The following SHROOM3 variants were observed in gnomAD, a reference collection of about 807,000 sequenced individuals.
SHROOM3 encodes shroom family member 3, also known as protein Shroom3.
Under a neutral mutation model 138.6 loss-of-function variants are expected in SHROOM3, and 47 were observed. The ratio of observed to expected loss-of-function variants is 0.34; its 90% confidence interval spans 0.27 to 0.43. The LOEUF (loss-of-function observed/expected upper bound fraction) is 0.43, where lower values mean the gene tolerates loss of function less well. Ranked by LOEUF, SHROOM3 falls within the 20% of genes least tolerant of loss-of-function variation. The probability of loss-of-function intolerance (pLI) is 1.00; values close to 1 mark genes in which losing one functional copy is unlikely to be tolerated. For missense variants in SHROOM3, 2,491 were observed against 2,596.5 expected (o/e 0.96, Z 0.88); for synonymous variants, 1,062 against 1,063.3 (o/e 1.00, Z 0.02).
At position 76,586,786 on chromosome 4, in the gene SHROOM3, TA is replaced by T. The variant is rs1307858591; in HGVS notation, c.323+31024del. On this transcript the variant is annotated intron_variant, in intron 2 of 10. Coordinates refer to ENST00000296043, the MANE Select transcript of SHROOM3 (RefSeq NM_020859.4). Reference sequence around the variant, plus strand: ...GTAACTTTTAGTTAAGGCCAACAAATATATATGCTAACTTGTATAATAAGAC... The same window carrying T: ...GTAACTTTTAGTTAAGGCCAACAAATTATATGCTAACTTGTATAATAAGAC... Among the ~76,000 whole-genome samples the T allele has an allele frequency of 3.9e-5, 6 of 152,302 alleles. No individual in the cohort carries two copies. The South Asian group carries it at 8.3e-4, about 21-fold the overall frequency.
At chr4:76,625,657 G>A (rs1018487962) in intron 2 of SHROOM3, among the ~76,000 whole-genome samples, 2 of 151,894 alleles carry the variant, frequency 1.3e-5, no homozygotes, top group Admixed American at 6.6e-5. Flanking sequence ...CACTCCAATC[G>A]CCGAGAACCA....
intron 3 of SHROOM3, among the ~76,000 whole-genome samples, chr4:76,724,636 C>T (rs1307526226): frequency 6.6e-6 from 1 of 152,158 alleles, no homozygotes. Context: ...CCTTCCAAAA[C>T]TACTCTTTAC....
At position 76,658,084 on chromosome 4, in the gene SHROOM3, C is replaced by T. The variant is rs184430896; in HGVS notation, c.324-52072C>T. The stretch of plus-strand genomic sequence containing the variant: ...TACCTGCTTTGTAGTTACCAAAGTG[C>T]TCTTCCATGCATTTTATAATAACTT... On this transcript the variant is annotated intron_variant, in intron 2 of 10. Transcript: ENST00000296043. Among the ~76,000 whole-genome samples, 190 of 152,364 alleles carry T rather than the reference C, an allele frequency of 1.2e-3. 1 individual carries two copies. The highest frequency in any genetic ancestry group is 2.0e-3 in the Non-Finnish European group (138 of 68,038).
intron 2 of SHROOM3, among the ~76,000 whole-genome samples, chr4:76,621,718 A>C (rs1268971975): frequency 6.6e-6 from 1 of 152,168 alleles, no homozygotes; most frequent in East Asian, 1.9e-4. Flanking sequence ...ATATGGAGTA[A>C]GTGTTTATGC....
chr4:76,605,440 G>T (rs951028412), intron 2 of SHROOM3, among the ~76,000 whole-genome samples: 3 of 152,104 alleles, frequency 2.0e-5, no homozygotes, highest in African/African-American at 7.2e-5. Context: ...TTTGAACTAG[G>T]CATGCCTTTT....
At chr4:76,654,379 GTTTTTGTTT>G (rs1560581281) in intron 2 of SHROOM3, among the ~76,000 whole-genome samples, 3 of 152,226 alleles carry the variant, frequency 2.0e-5, no homozygotes, top group Middle Eastern at 3.4e-3. Flanking sequence ...GAAGTGACAT[GTTTTTGTTT>G]AAACCAGTTG....
At position 76,770,733 on chromosome 4, in the gene SHROOM3, G is replaced by A. The variant is rs867952054; in HGVS notation, c.5457G>A (p.Glu1819=). The change falls in exon 10 of 11, where the codon GAG becomes GAA. Residue 1819 remains glutamate (E), a synonymous_variant. Coordinates refer to ENST00000296043, the MANE Select transcript of SHROOM3 (RefSeq NM_020859.4). ...ACAACGCCCTGGGAGAAGAGGTGGAGGCTCTGATCAGCGAGCTCTGCAAGC... is the reference window on the plus strand; with the variant it reads ...ACAACGCCCTGGGAGAAGAGGTGGAAGCTCTGATCAGCGAGCTCTGCAAGC... ...KLNNALGEEV[E]ALISELCKPN... 1 of 1,614,190 alleles carries A rather than the reference G, an allele frequency of 6.2e-7. No individual in the cohort carries two copies. Among genetic ancestry groups the A allele is most frequent in the South Asian group, 1.1e-5 (1 of 91,074 alleles).
intron 3 of SHROOM3, among the ~76,000 whole-genome samples, chr4:76,712,767 G>T (rs1720268737): frequency 6.6e-6 from 1 of 152,178 alleles, no homozygotes; most frequent in African/African-American, 2.4e-5. Context: ...TAATGACAGG[G>T]ATACATTCTG....
chr4:76,555,619 G>C lies in SHROOM3; in HGVS notation c.179G>C (p.Gly60Ala), dbSNP rs144435434. 73 of 1,613,624 alleles carry C rather than the reference G, an allele frequency of 4.5e-5. No individual in the cohort carries two copies. Among genetic ancestry groups the C allele is most frequent in the Admixed American group, 1.7e-5 (1 of 60,004 alleles). The change falls in exon 2 of 11, where the codon GGG becomes GCG. Residue 60 changes from glycine to alanine, a missense_variant. Gly to Ala is a moderately conservative substitution (Grantham distance 60, BLOSUM62 0). This residue lies in a region of SHROOM3 where 284 missense variants were observed against 322.8 expected (regional missense o/e 0.88). Transcript: ENST00000296043. ...TCTCCCTCCAAGCAGGTCGAAGAAG[G>C]GGGCAAAGCAGACACCCTGAGCTCC... Reference protein sequence around the residue: ...EPLIISKVEEGGKADTLSSKL... With the variant: ...EPLIISKVEEAGKADTLSSKL...
intron 10 of SHROOM3, among the ~76,000 whole-genome samples, chr4:76,778,244 C>T (rs1323063586): frequency 1.4e-5 from 2 of 143,918 alleles, no homozygotes; most frequent in Non-Finnish European, 3.0e-5. Flanking sequence ...TTTTTTGAGA[C>T]AAGAGTCTCA....
chr4:76,693,684 C>T, intron 2 of SHROOM3, among the ~76,000 whole-genome samples: 2 of 151,942 alleles, frequency 1.3e-5, no homozygotes, highest in Middle Eastern at 6.8e-3. Flanking sequence ...TGCACCTGGC[C>T]CTTGATGAGT....
chr4:76,741,547 C>T lies in SHROOM3; in HGVS notation c.3374C>T (p.Pro1125Leu). Residue 1125 changes from proline (P) to leucine (L), a missense_variant, in exon 5 of 11, where the codon CCC becomes CTC. Around this residue, in one of 4 missense-constraint regions of SHROOM3, gnomAD observed 1,733 missense variants for 1,661.6 expected, o/e 1.04. Transcript: ENST00000296043. The surrounding 1 kb of genome is among the most constrained non-coding windows in gnomAD (Gnocchi z 6.2). ...CAGAGTGCCTACCTCCAGCCCGGCC[C>T]CGCGGCGCTCGAAGGCTCCGGCCTC... ...RAQSAYLQPG[P>L]AALEGSGLAS... 1 of 1,547,950 alleles carries T rather than the reference C, an allele frequency of 6.5e-7. No homozygotes were observed. The highest frequency in any genetic ancestry group is 8.7e-7 in the Non-Finnish European group (1 of 1,153,270).
chr4:76,499,933 G>A (rs976352950), intron 1 of SHROOM3, among the ~76,000 whole-genome samples: 2 of 152,158 alleles, frequency 1.3e-5, no homozygotes, highest in African/African-American at 4.8e-5. Flanking sequence ...TACCACTTAC[G>A]GAATTCACTC....
At chr4:76,456,701 A>G (rs1731034092) in intron 1 of SHROOM3, among the ~76,000 whole-genome samples, 1 of 152,260 alleles carries the variant, frequency 6.6e-6, no homozygotes, top group Non-Finnish European at 1.5e-5. Flanking sequence ...TACATGTCAT[A>G]TGGTTTGTTT....
chr4:76,642,573 GT>G (rs1735702060), intron 2 of SHROOM3, among the ~76,000 whole-genome samples: 1 of 152,210 alleles, frequency 6.6e-6, no homozygotes, highest in African/African-American at 2.4e-5. Context: ...ATGGACCATA[GT>G]GGCAGGATGA....
chr4:76,495,908 G>A (rs918903063), intron 1 of SHROOM3, among the ~76,000 whole-genome samples: 1 of 152,202 alleles, frequency 6.6e-6, no homozygotes, highest in East Asian at 1.9e-4. Context: ...GTTCTGGCAG[G>A]CGGATGCCAT....
intron 2 of SHROOM3, among the ~76,000 whole-genome samples, chr4:76,634,331 C>T (rs571114355): frequency 3.1e-4 from 47 of 152,226 alleles, no homozygotes; most frequent in African/African-American, 1.0e-3. Context: ...TCCTAGCAGA[C>T]GTTGGTGGCC....
chr4:76,539,101 C>T (rs571840100), intron 1 of SHROOM3, among the ~76,000 whole-genome samples: 5 of 152,148 alleles, frequency 3.3e-5, no homozygotes, highest in South Asian at 2.1e-4. Context: ...TTCATAACTT[C>T]GGGAAACTTA....
chr4:76,678,682 C>T (rs1719106369), intron 2 of SHROOM3, among the ~76,000 whole-genome samples: 2 of 152,100 alleles, frequency 1.3e-5, no homozygotes, highest in Non-Finnish European at 2.9e-5. Context: ...TTTTTTGAGA[C>T]GAAGTCTTGC....
Sources: gnomAD v4.1 joint callset for allele counts (sites outside exome capture counted in the v4.1 genomes callset) on GRCh38, gnomAD v4.1.1 for gene constraint, gnomAD v4.1.1 regional missense constraint, Gnocchi (gnomAD v3.1) non-coding constraint, MANE v1.5 for transcripts, NCBI Gene and HGNC (gene_info 2026-07-23, HGNC 2026-07-21) for gene names.